Variants in PPP4R2 observed in about 807,000 individuals in gnomAD.
PPP4R2 encodes protein phosphatase 4 regulatory subunit 2, also known as serine/threonine-protein phosphatase 4 regulatory subunit 2.
In PPP4R2, 13 loss-of-function variants were observed where a neutral mutation model predicts 47.2. The observed-to-expected ratio is 0.28, with a 90% confidence interval of 0.18 to 0.44. The LOEUF is 0.44. Ranked by LOEUF, PPP4R2 falls within the 20% of genes least tolerant of loss-of-function variation. The pLI is 1.00. For synonymous variants in PPP4R2, 151 were observed against 163.3 expected (o/e 0.92, Z 0.57); for missense variants, 421 against 491.2 (o/e 0.86, Z 1.35).
chr3:73,064,229 A>T (rs528481082), intron 7 of PPP4R2, 83 bp downstream of exon 7: 1 of 1,220,480 alleles, frequency 8.2e-7, no homozygotes, highest in Admixed American at 2.7e-5. Context: ...CTTACTATTT[A>T]TAAGTTCTGA....
intron 3 of PPP4R2, among the ~76,000 whole-genome samples, chr3:73,055,436 G>GTGTGTT (rs1275634320): frequency 6.6e-6 from 1 of 150,520 alleles, no homozygotes; most frequent in African/African-American, 2.4e-5. Context: ...GTGTGTGTGT[G>GTGTGTT]TGTGTGTGTG....
chr3:73,067,666 T>C lies in PPP4R2; in HGVS notation c.*1944T>C, dbSNP rs1422760382. ...GTCAGTAAACTTACCTAAGATCCTGTGACCTTTTGATATTTTTTATTTTAA... is the reference window on the plus strand; with the variant it reads ...GTCAGTAAACTTACCTAAGATCCTGCGACCTTTTGATATTTTTTATTTTAA... On this transcript the variant is annotated 3_prime_UTR_variant, in exon 9 of 9. Coordinates refer to ENST00000356692, the MANE Select transcript of PPP4R2 (RefSeq NM_174907.4). The C allele has an allele frequency of 1.3e-5, 2 of 152,158 alleles. No homozygotes were observed. Among genetic ancestry groups the C allele is most frequent in the African/African-American group, 4.8e-5 (2 of 41,462 alleles). The allele number at this position is 152,158 out of a possible 1,614,324, so 9.4% of individuals were successfully genotyped here. A position where few individuals can be genotyped will look rare whatever the true frequency, so the allele number is the denominator to read the frequency against.
chr3:73,013,178 C>T (rs968082100), intron 2 of PPP4R2, among the ~76,000 whole-genome samples: 2 of 151,930 alleles, frequency 1.3e-5, no homozygotes, highest in African/African-American at 4.8e-5. Context: ...AAATCAGTGC[C>T]ATAGCCAGCA....
At chr3:73,030,304 G>A (rs1702144824) in intron 2 of PPP4R2, among the ~76,000 whole-genome samples, 1 of 152,162 alleles carries the variant, frequency 6.6e-6, no homozygotes, top group South Asian at 2.1e-4. Flanking sequence ...GATAACAGGT[G>A]GGAGTTCAGG....
intron 4 of PPP4R2, among the ~76,000 whole-genome samples, chr3:73,059,348 T>G (rs368969305): frequency 6.6e-6 from 1 of 152,214 alleles, no homozygotes; most frequent in Non-Finnish European, 1.5e-5. Context: ...CATTGAAGTT[T>G]GGTGAAAGCA....
At chr3:73,026,303 T>C (rs1005053536) in intron 2 of PPP4R2, among the ~76,000 whole-genome samples, 5 of 152,206 alleles carry the variant, frequency 3.3e-5, no homozygotes, top group South Asian at 2.1e-4. Context: ...TTCCCTTTGC[T>C]GGAACAAAGA....
At chr3:73,023,798 G>T (rs1702006162) in intron 2 of PPP4R2, among the ~76,000 whole-genome samples, 1 of 152,106 alleles carries the variant, frequency 6.6e-6, no homozygotes, top group Admixed American at 6.6e-5. Context: ...CGTGAAAAAT[G>T]AAAGTATACT....
At chr3:73,008,532 TGTG>T (rs1559547768) in intron 2 of PPP4R2, among the ~76,000 whole-genome samples, 1 of 152,150 alleles carries the variant, frequency 6.6e-6, no homozygotes, top group Non-Finnish European at 1.5e-5. Flanking sequence ...TGAGTTAGCA[TGTG>T]GTGATGGCGG....
At chr3:73,026,724 C>T (rs1456146832) in intron 2 of PPP4R2, among the ~76,000 whole-genome samples, 1 of 151,998 alleles carries the variant, frequency 6.6e-6, no homozygotes, top group Non-Finnish European at 1.5e-5. Context: ...AAAAGCACAT[C>T]AGCTATCATT....
At chr3:73,030,688 T>A (rs182494414) in intron 2 of PPP4R2, among the ~76,000 whole-genome samples, 62 of 151,818 alleles carry the variant, frequency 4.1e-4, no homozygotes, top group East Asian at 7.8e-4. Flanking sequence ...GTGATTATAT[T>A]TTTTTTTCTC....
intron 2 of PPP4R2, among the ~76,000 whole-genome samples, chr3:73,045,944 GCAGCA>G (rs1702476706): frequency 1.3e-5 from 2 of 152,146 alleles, no homozygotes; most frequent in Non-Finnish European, 2.9e-5. Context: ...TCTTTGATAT[GCAGCA>G]TAATTTTTTT....
intron 2 of PPP4R2, among the ~76,000 whole-genome samples, chr3:73,034,637 A>AT (rs1702230189): frequency 6.6e-6 from 1 of 152,134 alleles, no homozygotes; most frequent in Non-Finnish European, 1.5e-5. Flanking sequence ...GGTTCAAGCA[A>AT]TCCTCCTACC....
At chr3:73,010,254 G>T (rs1459393109) in intron 2 of PPP4R2, among the ~76,000 whole-genome samples, 1 of 152,034 alleles carries the variant, frequency 6.6e-6, no homozygotes, top group Non-Finnish European at 1.5e-5. Flanking sequence ...ACAAGGTCTT[G>T]CTCTGTCATC....
intron 1 of PPP4R2, 92 bp downstream of exon 1, chr3:72,997,163 G>C: frequency 9.2e-7 from 1 of 1,091,920 alleles, no homozygotes; most frequent in South Asian, 3.6e-5. Flanking sequence ...GACCGGGGCC[G>C]GGCGCGGCGT....
At chr3:73,034,250 C>CTTT (rs1702222176) in intron 2 of PPP4R2, among the ~76,000 whole-genome samples, 1 of 151,996 alleles carries the variant, frequency 6.6e-6, no homozygotes, top group Admixed American at 6.6e-5. Flanking sequence ...AACAATGCAC[C>CTTT]TTTAAAAAAG....
intron 3 of PPP4R2, among the ~76,000 whole-genome samples, chr3:73,048,502 C>T (rs1702536711): frequency 6.6e-6 from 1 of 152,182 alleles, no homozygotes; most frequent in African/African-American, 2.4e-5. Flanking sequence ...GATCCGCCCA[C>T]CTCAGCCTCC....
chr3:73,016,266 C>A (rs971344337), intron 2 of PPP4R2: 1 of 117,992 alleles, frequency 8.5e-6, no homozygotes, highest in Non-Finnish European at 1.8e-5. Flanking sequence ...ATAATATTCT[C>A]GTTCACTTTT....
intron 3 of PPP4R2, among the ~76,000 whole-genome samples, chr3:73,054,279 C>G (rs1702683228): frequency 6.6e-6 from 1 of 152,122 alleles, no homozygotes; most frequent in South Asian, 2.1e-4. Flanking sequence ...AGTGTCTGCA[C>G]CACTCCTTAA....
intron 2 of PPP4R2, among the ~76,000 whole-genome samples, chr3:73,045,652 G>T (rs1472076442): frequency 6.6e-6 from 1 of 150,824 alleles, no homozygotes; most frequent in Non-Finnish European, 1.5e-5. Flanking sequence ...TCAGCCTCCT[G>T]TGTAGCTGGG....
Sources: allele counts gnomAD v4.1 joint callset (sites outside exome capture counted in the v4.1 genomes callset), GRCh38; gene constraint gnomAD v4.1.1; transcripts MANE v1.5; gene names NCBI Gene and HGNC (gene_info 2026-07-23, HGNC 2026-07-21).